Variants in RARB observed in about 807,000 individuals in gnomAD.
RARB encodes the protein HBV-activated protein.
Under a neutral mutation model 51.9 loss-of-function variants are expected in RARB, and 17 were observed. That is an observed-to-expected ratio of 0.33 (90% CI 0.22 to 0.49). RARB has a LOEUF of 0.49. Among genes scored for constraint, RARB ranks in the 20% least tolerant of loss-of-function variants. The pLI, the probability that RARB is intolerant of heterozygous loss-of-function variation, is 0.99. For synonymous variants in RARB, 215 were observed against 195.4 expected (o/e 1.10, Z -0.84); for missense variants, 369 against 550.8 (o/e 0.67, Z 3.30).
intron 5 of RARB, among the ~76,000 whole-genome samples, chr3:25,220,876 C>G (rs1450317162): frequency 6.6e-6 from 1 of 152,162 alleles, no homozygotes; most frequent in Non-Finnish European, 1.5e-5. Context: ...TGGAGATGGT[C>G]TTTCATGGTC....
chr3:25,506,252 CAAAAA>C (rs35856686), intron 3 of RARB, among the ~76,000 whole-genome samples: 2 of 57,770 alleles, frequency 3.5e-5, no homozygotes, highest in East Asian at 5.3e-4. Context: ...GACTCCATCT[CAAAAA>C]AAAAAAAAAA....
At chr3:24,868,243 C>T (rs570911073) in intron 2 of RARB, among the ~76,000 whole-genome samples, 1 of 152,140 alleles carries the variant, frequency 6.6e-6, no homozygotes, top group Non-Finnish European at 1.5e-5. Context: ...TATAGAAAAT[C>T]TAGGTTTTAG....
At chr3:24,957,860 T>C (rs1391324503) in intron 2 of RARB, among the ~76,000 whole-genome samples, 1 of 152,156 alleles carries the variant, frequency 6.6e-6, no homozygotes, top group Non-Finnish European at 1.5e-5. Flanking sequence ...TCACAGCAGT[T>C]CTTATTCCCA....
At chr3:25,435,480 ATC>A (rs1164190972) in intron 1 of RARB, among the ~76,000 whole-genome samples, 1 of 152,154 alleles carries the variant, frequency 6.6e-6, no homozygotes, top group African/African-American at 2.4e-5. Flanking sequence ...AAGGCCGATG[ATC>A]TGAAGGCCAT....
At chr3:24,990,811 C>G (rs374574772) in intron 2 of RARB, among the ~76,000 whole-genome samples, 1 of 152,168 alleles carries the variant, frequency 6.6e-6, no homozygotes, top group African/African-American at 2.4e-5. Context: ...AAGCATCCAA[C>G]AAATCCCACA....
At chr3:25,115,060 T>C (rs566747995) in intron 3 of RARB, among the ~76,000 whole-genome samples, 41 of 152,306 alleles carry the variant, frequency 2.7e-4, no homozygotes, top group Admixed American at 2.4e-3. Context: ...AATTTGTAAT[T>C]CCTTTTCTGT....
At chr3:24,900,213 G>T (rs1703572835) in intron 2 of RARB, among the ~76,000 whole-genome samples, 1 of 152,162 alleles carries the variant, frequency 6.6e-6, no homozygotes, top group Non-Finnish European at 1.5e-5. Flanking sequence ...GAAAATGTCT[G>T]CAGCGTGTGT....
chr3:25,003,458 T>G (rs1697208867), intron 2 of RARB, among the ~76,000 whole-genome samples: 1 of 152,172 alleles, frequency 6.6e-6, no homozygotes, highest in South Asian at 2.1e-4. Flanking sequence ...TTTCTACTTT[T>G]GTCAGATATA....
At chr3:24,978,698 A>G (rs1403680387) in intron 2 of RARB, among the ~76,000 whole-genome samples, 2 of 151,058 alleles carry the variant, frequency 1.3e-5, no homozygotes, top group African/African-American at 2.4e-5. Context: ...TTTTCAAAAA[A>G]CCAGCTCCTG....
chr3:24,897,916 A>G (rs1345648589), intron 2 of RARB, among the ~76,000 whole-genome samples: 4 of 152,228 alleles, frequency 2.6e-5, no homozygotes, highest in South Asian at 2.1e-4. Flanking sequence ...CTTATTCACT[A>G]TGGAACCTTT....
rs533715679 is a variant in RARB at position 25,131,795 on chromosome 3, C to T, written c.-327-366C>T. On this transcript the variant is annotated intron_variant, in intron 3 of 11. Coordinates refer to the RARB transcript ENST00000383772. ...TGTGCCAAGATTGATAGTTCTTCTC[C>T]CCACTCCCAACCCCTCCCCAAAATT... is the stretch of plus-strand genomic sequence containing the variant. Among the ~76,000 whole-genome samples the T allele has an allele frequency of 5.3e-5, 8 of 151,882 alleles. No homozygotes were observed. The South Asian group carries it at 1.7e-3, about 32-fold the overall frequency.
intron 1 of RARB, among the ~76,000 whole-genome samples, chr3:24,841,791 G>A (rs1702424585): frequency 6.6e-6 from 1 of 152,092 alleles, no homozygotes; most frequent in African/African-American, 2.4e-5. Flanking sequence ...TAATAGATGT[G>A]CAAGGTTTAA....
chr3:25,590,599 C>T (rs1046408482), intron 5 of RARB, among the ~76,000 whole-genome samples: 1 of 152,136 alleles, frequency 6.6e-6, no homozygotes, highest in Non-Finnish European at 1.5e-5. Flanking sequence ...CAGCTCACTG[C>T]AACCTCCCCC....
intron 5 of RARB, among the ~76,000 whole-genome samples, chr3:25,234,009 T>C (rs1185556420): frequency 3.3e-5 from 5 of 152,096 alleles, no homozygotes; most frequent in East Asian, 1.9e-4. Context: ...TCATGACAAA[T>C]AGTGGTCTGC....
At chr3:25,076,588 A>G (rs1254501014) in intron 3 of RARB, among the ~76,000 whole-genome samples, 4 of 152,180 alleles carry the variant, frequency 2.6e-5, no homozygotes, top group Admixed American at 6.5e-5. Context: ...AGTTTTCCCA[A>G]TGTAGCTCCA....
intron 3 of RARB, among the ~76,000 whole-genome samples, chr3:25,091,875 A>G (rs906116300): frequency 6.6e-6 from 1 of 152,150 alleles, no homozygotes; most frequent in African/African-American, 2.4e-5. Context: ...AGTTATCTCA[A>G]AATTGATAAA....
At chr3:24,841,710 G>A (rs1702423546) in intron 1 of RARB, among the ~76,000 whole-genome samples, 1 of 151,932 alleles carries the variant, frequency 6.6e-6, no homozygotes, top group Admixed American at 6.6e-5. Flanking sequence ...AATAAAACTG[G>A]TTTACTACTA....
chr3:24,967,926 G>A (rs1332559563), intron 2 of RARB, among the ~76,000 whole-genome samples: 2 of 152,162 alleles, frequency 1.3e-5, no homozygotes, highest in Non-Finnish European at 2.9e-5. Flanking sequence ...GGGGAATTAA[G>A]CAGTAGCAAC....
chr3:25,069,024 A>C (rs571227816), intron 3 of RARB, among the ~76,000 whole-genome samples: 13 of 151,868 alleles, frequency 8.6e-5, no homozygotes, highest in East Asian at 3.9e-4. Flanking sequence ...AAAAAAAAAA[A>C]ACACACACAC....
Sources: gnomAD v4.1 joint callset for allele counts (sites outside exome capture counted in the v4.1 genomes callset) on GRCh38, gnomAD v4.1.1 for gene constraint, MANE v1.5 for transcripts, NCBI Gene and HGNC (gene_info 2026-07-23, HGNC 2026-07-21) for gene names.